Variants in ZNF431 observed in about 807,000 individuals in gnomAD.
ZNF431 encodes the protein zinc finger protein 431.
A neutral mutation model predicts 57.0 loss-of-function variants in ZNF431; 34 were observed. The observed-to-expected ratio is 0.60, with a 90% CI of 0.45 to 0.79. The LOEUF is 0.79. Ranked by LOEUF, ZNF431 falls within the 30% of genes least tolerant of loss-of-function variation. ZNF431 has a pLI of 0.00. For missense variants in ZNF431, 607 were observed against 667.1 expected (o/e 0.91, Z 0.99); for synonymous variants, 207 against 220.3 (o/e 0.94, Z 0.54).
chr19:21,159,073 T>A (rs1970502712), intron 2 of ZNF431, among the ~76,000 whole-genome samples: 1 of 152,202 alleles, frequency 6.6e-6, no homozygotes, highest in Non-Finnish European at 1.5e-5. Flanking sequence ...ATTGAGATAA[T>A]CTTGTGGGTT....
chr19:21,182,982 A>G lies in ZNF431; in HGVS notation c.679A>G (p.Ile227Val). The G allele has an allele frequency of 1.9e-6, 3 of 1,614,120 alleles. No homozygotes were observed. Among genetic ancestry groups the G allele is most frequent in the Non-Finnish European group, 2.5e-6 (3 of 1,179,952 alleles). Residue 227 changes from isoleucine to valine, a missense_variant, in exon 5 of 5, where the codon ATT becomes GTT. By Grantham distance (29) the Ile-to-Val change is conservative. Transcript: ENST00000311048. ...CCTAAGTCAACATAAAAGAATTCATATTAGAGAGAATTCTTACCAATGTGA... is the reference window on the plus strand; with the variant it reads ...CCTAAGTCAACATAAAAGAATTCATGTTAGAGAGAATTCTTACCAATGTGA... ...LHLSQHKRIH[I>V]RENSYQCEEC...
rs138371567 is a variant in ZNF431, at chr19:21,171,421, T to C, written c.319+3755T>C. Reference sequence around the variant, plus strand: ...TTCTTAACATCAGCTTGTTGTGTTTTTTAGTTTTTCTTATATAATTTTAGC... The same window carrying C: ...TTCTTAACATCAGCTTGTTGTGTTTCTTAGTTTTTCTTATATAATTTTAGC... On this transcript the variant is annotated intron_variant, in intron 4 of 4. Coordinates refer to ENST00000311048, the MANE Select transcript of ZNF431 (RefSeq NM_133473.4). Among the ~76,000 whole-genome samples the C allele has an allele frequency of 1.1e-3, 168 of 152,252 alleles. 3 individuals carry two copies. The East Asian group carries it at 0.029, about 26-fold the overall frequency.
At chr19:21,170,925 G>A (rs1319494390) in intron 4 of ZNF431, among the ~76,000 whole-genome samples, 1 of 152,036 alleles carries the variant, frequency 6.6e-6, no homozygotes, top group Non-Finnish European at 1.5e-5. Flanking sequence ...CACCTGCCTC[G>A]GCCTCCCAGA....
chr19:21,181,531 C>G lies in ZNF431; in HGVS notation c.320-1092C>G, dbSNP rs185794230. On this transcript the variant is annotated intron_variant, in intron 4 of 4. Coordinates refer to ENST00000311048, the MANE Select transcript of ZNF431 (RefSeq NM_133473.4). ...CCATTCTCTTCTTGTCTGTGACTTT[C>G]GAAATTGTGCTTATATATGTGTTTG... 2.0e-3 allele frequency among the ~76,000 whole-genome samples: 302 copies of G among 151,870 alleles called. 1 individual carries two copies. The highest frequency in any genetic ancestry group is 6.6e-3 in the African/African-American group (274 of 41,462).
rs1417059954 is a variant in ZNF431, at chr19:21,195,939, G to A, written c.*11905G>A. ...TTTTAACTGGAAATCATATTCGTAA[G>A]TTGTGGTAGATATTATCATCAGTGT... On this transcript the variant is annotated 3_prime_UTR_variant, in exon 5 of 5. Coordinates refer to ENST00000311048, the MANE Select transcript of ZNF431 (RefSeq NM_133473.4). 1.3e-5 allele frequency: 2 copies of A among 152,132 alleles called. No homozygotes were observed. Among genetic ancestry groups the A allele is most frequent in the Admixed American group, 1.3e-4 (2 of 15,280 alleles). 9.4% of individuals were successfully genotyped at this position (152,132 alleles called of 1,614,324 possible).
intron 2 of ZNF431, among the ~76,000 whole-genome samples, chr19:21,146,571 AC>A (rs1970103202): frequency 6.6e-6 from 1 of 152,204 alleles, no homozygotes; most frequent in South Asian, 2.1e-4. Flanking sequence ...CCAATTTTAG[AC>A]AATATAGGAT....
At chr19:21,153,670 A>G (rs1370160854) in intron 2 of ZNF431, among the ~76,000 whole-genome samples, 2 of 152,158 alleles carry the variant, frequency 1.3e-5, no homozygotes, top group African/African-American at 4.8e-5. Context: ...GAGTTCTGTG[A>G]GTAGCTTGAT....
intron 4 of ZNF431, among the ~76,000 whole-genome samples, chr19:21,180,845 G>C (rs1003967928): frequency 3.3e-5 from 5 of 151,802 alleles, no homozygotes; most frequent in African/African-American, 1.2e-4. Context: ...TACTCGGGAG[G>C]CTGAGGCAAG....
At chr19:21,160,332 G>A (rs1332290047) in intron 2 of ZNF431, among the ~76,000 whole-genome samples, 3 of 152,156 alleles carry the variant, frequency 2.0e-5, no homozygotes, top group Non-Finnish European at 4.4e-5. Context: ...TGTAAATAGA[G>A]TCTGATGACA....
intron 2 of ZNF431, among the ~76,000 whole-genome samples, chr19:21,158,039 A>G (rs1488163328): frequency 6.6e-6 from 1 of 152,130 alleles, no homozygotes; most frequent in Non-Finnish European, 1.5e-5. Flanking sequence ...GGTTCCATAT[A>G]AATTTTAAAA....
Position 21,142,203 on chromosome 19 carries a change from G to T in ZNF431, c.3+17G>T, listed in dbSNP as rs777159414. The T allele has an allele frequency of 5.6e-6, 9 of 1,612,938 alleles. No homozygotes were observed. Among genetic ancestry groups the T allele is most frequent in the South Asian group, 3.3e-5 (3 of 91,006 alleles). On this transcript the variant is annotated intron_variant, in intron 1 of 4. Transcript: ENST00000311048. ...CTAGAAATGGTGAGAGTGCCGGGTC[G>T]GACATCCCGAGAGAGGGGAAGGGCT... is the stretch of plus-strand genomic sequence containing the variant.
chr19:21,154,068 C>T (rs1358857900), intron 2 of ZNF431, among the ~76,000 whole-genome samples: 1 of 152,122 alleles, frequency 6.6e-6, no homozygotes, highest in African/African-American at 2.4e-5. Flanking sequence ...TACATGTGCA[C>T]AACGTGCAGG....
At chr19:21,165,734 G>A (rs200296535) in intron 2 of ZNF431, among the ~76,000 whole-genome samples, 2 of 149,594 alleles carry the variant, frequency 1.3e-5, no homozygotes, top group African/African-American at 4.9e-5. Context: ...TTTTTTGCAT[G>A]TGTCTGTCTT....
chr19:21,163,624 C>A (rs1164771638), intron 2 of ZNF431, among the ~76,000 whole-genome samples: 1 of 152,076 alleles, frequency 6.6e-6, no homozygotes, highest in South Asian at 2.1e-4. Flanking sequence ...TGGGTTTAAG[C>A]GATTCTCCTG....
At chr19:21,165,313 A>G (rs1334618074) in intron 2 of ZNF431, among the ~76,000 whole-genome samples, 1 of 152,172 alleles carries the variant, frequency 6.6e-6, no homozygotes, top group Non-Finnish European at 1.5e-5. Context: ...TTGTGGTTTC[A>G]TCTAAACCCA....
chr19:21,155,235 A>G (rs963741337), intron 2 of ZNF431, among the ~76,000 whole-genome samples: 1 of 152,208 alleles, frequency 6.6e-6, no homozygotes, highest in African/African-American at 2.4e-5. Flanking sequence ...AGCTTTCTAC[A>G]TATGGTTAGC....
chr19:21,156,243 T>C (rs1163370793), intron 2 of ZNF431, among the ~76,000 whole-genome samples: 1 of 152,228 alleles, frequency 6.6e-6, no homozygotes, highest in East Asian at 1.9e-4. Flanking sequence ...GGGCCACCTG[T>C]TCATAATCTC....
intron 4 of ZNF431, among the ~76,000 whole-genome samples, chr19:21,175,963 A>G (rs186233449): frequency 6.6e-6 from 1 of 152,340 alleles, no homozygotes; most frequent in East Asian, 1.9e-4. Context: ...GTTGGGTCCA[A>G]TAGTATATCT....
rs781626436 is a variant in ZNF431, at chr19:21,183,016, G to A, written c.713G>A (p.Gly238Asp). ...AATTCTTACCAATGTGAAGAATGTGGCAAAGCTTTTAAATGGTTCTCAACC... is the reference window on the plus strand; with the variant it reads ...AATTCTTACCAATGTGAAGAATGTGACAAAGCTTTTAAATGGTTCTCAACC... ...RENSYQCEEC[G>D]KAFKWFSTLT... Residue 238 changes from glycine (G) to aspartate (D), a missense_variant, in exon 5 of 5, where the codon GGC becomes GAC. Physicochemically the swap from Gly to Asp is moderately conservative, Grantham distance 94. Coordinates refer to ENST00000311048, the MANE Select transcript of ZNF431 (RefSeq NM_133473.4). 3.1e-6 allele frequency: 5 copies of A among 1,614,098 alleles called. No individual in the cohort carries two copies. In the South Asian group the frequency reaches 5.5e-5, roughly 18 times the overall value.
Sources: gnomAD v4.1 joint callset for allele counts (sites outside exome capture counted in the v4.1 genomes callset) on GRCh38, gnomAD v4.1.1 for gene constraint, MANE v1.5 for transcripts, NCBI Gene and HGNC (gene_info 2026-07-23, HGNC 2026-07-21) for gene names.